ZNF761: variants seen among roughly 807,000 people sequenced by gnomAD.
The protein encoded by ZNF761 is zinc finger protein 761.
Under a neutral mutation model 59.9 loss-of-function variants are expected in ZNF761, and 43 were observed. The observed-to-expected ratio is 0.72, with a 90% CI of 0.56 to 0.92. ZNF761 has a LOEUF of 0.92. ZNF761 is among the 40% of genes least tolerant of loss of function. ZNF761 has a pLI of 0.00. For synonymous variants in ZNF761, 294 were observed against 304.8 expected, an observed-to-expected ratio of 0.96 and a Z score of 0.37; for missense variants, 850 against 906.1, an observed-to-expected ratio of 0.94 and a Z score of 0.79.
intron 1 of ZNF761, chr19:53,443,208 T>A (rs1206507710): frequency 1.2e-5 from 2 of 160,416 alleles, no homozygotes; most frequent in Non-Finnish European, 2.7e-5. Flanking sequence ...CCAGTTAATG[T>A]ATTTTTCAGT....
Position 53,456,729 on chromosome 19 carries a change from C to G in ZNF761, c.2222C>G (p.Thr741Ser). The G allele has an allele frequency of 6.2e-7, 1 of 1,613,634 alleles. No homozygotes were observed. The highest frequency in any genetic ancestry group is 8.5e-7 in the Non-Finnish European group (1 of 1,179,798). ...SNLTCHRRLH[T>S]GEKQV ...CTTACATGCCATCGTAGACTTCATA[C>G]TGGAGAAAAACAAGTGTAATGAATG... The change falls in exon 5 of 5, where the codon ACT (threonine) becomes AGT (serine). Residue 741 changes from threonine (T) to serine (S), a missense_variant. Coordinates refer to ENST00000684525, the MANE Select transcript of ZNF761 (RefSeq NM_001289951.2).
At chr19:53,452,833 G>A (rs1382800789) in intron 4 of ZNF761, among the ~76,000 whole-genome samples, 2 of 152,190 alleles carry the variant, frequency 1.3e-5, no homozygotes, top group African/African-American at 4.8e-5. Context: ...TGTCTCAAAG[G>A]CCCCATCTGC....
rs912230275 is a variant in ZNF761, at chr19:53,435,514, G to T, written c.-185+3486G>T. On this transcript the variant is annotated intron_variant, in intron 1 of 4. Transcript: ENST00000684525. Reference sequence around the variant, plus strand: ...ATACGGGGTTCTCCATGTTGGTGAGGCTGGTCTCGAACTCCCGACCTCAGG... The same window carrying T: ...ATACGGGGTTCTCCATGTTGGTGAGTCTGGTCTCGAACTCCCGACCTCAGG... Among the ~76,000 whole-genome samples, 5 of 151,908 alleles carry T rather than the reference G, an allele frequency of 3.3e-5. No individual in the cohort carries two copies. In the South Asian group the frequency reaches 1.0e-3, roughly 32 times the overall value.
At chr19:53,437,260 G>A (rs1345130025) in intron 1 of ZNF761, among the ~76,000 whole-genome samples, 2 of 151,768 alleles carry the variant, frequency 1.3e-5, no homozygotes, top group South Asian at 2.1e-4. Flanking sequence ...AGAGGTTGCA[G>A]TGAGCCAAGA....
chr19:53,455,675 A>G lies in ZNF761; in HGVS notation c.1168A>G (p.Thr390Ala). The G allele has an allele frequency of 9.3e-6, 15 of 1,613,362 alleles. No individual in the cohort carries two copies. The highest frequency in any genetic ancestry group is 1.3e-5 in the Non-Finnish European group (15 of 1,179,918). ...KPYKCNECGK[T>A]FSHKSSLTCH... ...CTACAAATGTAATGAGTGTGGCAAG[A>G]CCTTTAGTCACAAGTCATCCCTTAC... The change falls in exon 5 of 5, where the codon ACC (threonine) becomes GCC (alanine). Residue 390 changes from threonine to alanine, a missense_variant. Physicochemically the swap from Thr to Ala is moderately conservative, Grantham distance 58. Transcript: ENST00000684525.
intron 1 of ZNF761, among the ~76,000 whole-genome samples, chr19:53,437,733 C>G (rs12460636): frequency 0.026 from 3,962 of 152,248 alleles, 111 homozygotes; most frequent in East Asian, 0.14. Context: ...AGAATCTCTT[C>G]TTTGTACTTT....
rs528617698 is a variant in ZNF761 at position 53,457,640 on chromosome 19, G to A, written c.*892G>A. 4 of 254,570 alleles carry A rather than the reference G, an allele frequency of 1.6e-5. No homozygotes were observed. Among genetic ancestry groups the A allele is most frequent in the African/African-American group, 9.4e-5 (4 of 42,716 alleles). 15.8% of individuals were successfully genotyped at this position (254,570 alleles called of 1,614,324 possible). On this transcript the variant is annotated 3_prime_UTR_variant, in exon 5 of 5. Transcript: ENST00000684525. ...TAGGGTCAATTCAGCATTGACTTGA[G>A]TTTGTATTGACTTAACATTGAGTTC...
intron 4 of ZNF761, chr19:53,450,062 T>C (rs1251122007): frequency 8.1e-6 from 3 of 371,558 alleles, no homozygotes; most frequent in Admixed American, 4.2e-5. Flanking sequence ...CCCAGCACTT[T>C]GGGAGGCCAA....
At position 53,456,949 on chromosome 19, in the gene ZNF761, C is replaced by A; in HGVS notation, c.*201C>A. 1 of 728,024 alleles carries A rather than the reference C, an allele frequency of 1.4e-6. No individual in the cohort carries two copies. Among genetic ancestry groups the A allele is most frequent in the Non-Finnish European group, 2.3e-6 (1 of 427,100 alleles). The allele number at this position is 728,024 out of a possible 1,614,324, so 45.1% of individuals were successfully genotyped here. On this transcript the variant is annotated 3_prime_UTR_variant, in exon 5 of 5. Coordinates refer to ENST00000684525, the MANE Select transcript of ZNF761 (RefSeq NM_001289951.2). ...CAAAGTTTACAGTCGCACATCAAAC[C>A]GTGAAAGACAGGAGAATTCATACTG... is the stretch of plus-strand genomic sequence containing the variant.
chr19:53,454,078 A>G (rs1414626656), intron 4 of ZNF761, among the ~76,000 whole-genome samples: 2 of 152,016 alleles, frequency 1.3e-5, no homozygotes, highest in Non-Finnish European at 2.9e-5. Flanking sequence ...GGTTCAAACA[A>G]TTCTTGTGCC....
chr19:53,444,128 T>G (rs1184422193), intron 1 of ZNF761: 1 of 152,270 alleles, frequency 6.6e-6, no homozygotes, highest in African/African-American at 2.4e-5. Context: ...TTCTGCCTGC[T>G]GAGACAGCCT....
chr19:53,433,455 C>G (rs1363859520), intron 1 of ZNF761, among the ~76,000 whole-genome samples: 1 of 40,202 alleles, frequency 2.5e-5, no homozygotes, highest in South Asian at 7.0e-4. Context: ...TTGGCTTCGA[C>G]TTCGCCAAGT....
intron 3 of ZNF761, among the ~76,000 whole-genome samples, chr19:53,448,991 C>G (rs1330712238): frequency 6.6e-6 from 1 of 152,080 alleles, no homozygotes. Context: ...GAAGACATCA[C>G]CCGTACTCTG....
chr19:53,432,413 C>T lies in ZNF761; in HGVS notation c.-185+385C>T, dbSNP rs1172859205. Among the ~76,000 whole-genome samples, 3 of 152,158 alleles carry T rather than the reference C, an allele frequency of 2.0e-5. No homozygotes were observed. In the South Asian group the frequency reaches 6.2e-4, roughly 32 times the overall value. On this transcript the variant is annotated intron_variant, in intron 1 of 4. Transcript: ENST00000684525. ...GGAAAGGCCGCGTCCTCTGCCTGGT[C>T]CTAGGATCCTGCAGACCCCACCCTT...
At chr19:53,449,456 T>C in intron 3 of ZNF761, 56 bp from the exon 4 acceptor site, 1 of 1,613,730 alleles carries the variant, frequency 6.2e-7, no homozygotes, top group Non-Finnish European at 8.5e-7. Context: ...TCTCATTTTC[T>C]GTAAAGATAA....
rs752255495 is a variant in ZNF761, at chr19:53,447,287, AGAT to A, written c.15+8_15+10del. On this transcript the variant is annotated splice_donor_5th_base_variant and intron_variant, in intron 3 of 4. Transcript: ENST00000684525. The stretch of plus-strand genomic sequence containing the variant: ...GTCAGGGATGGCTTTTTCTCAGGTG[AGAT>A]GATATTTTCAGTGGATTGTTCTGTC... 88 of 1,613,136 alleles carry A rather than the reference AGAT, an allele frequency of 5.5e-5. No individual in the cohort carries two copies. Among genetic ancestry groups the A allele is most frequent in the Middle Eastern group, 1.6e-4 (1 of 6,076 alleles).
chr19:53,451,640 T>C (rs2086222832), intron 4 of ZNF761, among the ~76,000 whole-genome samples: 1 of 152,154 alleles, frequency 6.6e-6, no homozygotes, highest in African/African-American at 2.4e-5. Context: ...TGGAGTGCGG[T>C]GGTGCGACCT....
Position 53,457,033 on chromosome 19 carries a change from T to C in ZNF761, c.*285T>C, listed in dbSNP as rs2147145942. On this transcript the variant is annotated 3_prime_UTR_variant, in exon 5 of 5. Coordinates refer to ENST00000684525, the MANE Select transcript of ZNF761 (RefSeq NM_001289951.2). ...AAGGCTTTTGGGCATGATTCGCACC[T>C]GGCACAACATGCTAGAATTCACACT... 1.6e-6 allele frequency: 1 copy of C among 635,956 alleles called. No individual in the cohort carries two copies. The allele number at this position is 635,956 out of a possible 1,614,324, so 39.4% of individuals were successfully genotyped here. A position where few individuals can be genotyped will look rare whatever the true frequency, so the allele number is the denominator to read the frequency against.
At chr19:53,442,347 C>G in intron 1 of ZNF761, 1 of 1,109,566 alleles carries the variant, frequency 9.0e-7, no homozygotes, top group Non-Finnish European at 1.4e-6. Flanking sequence ...GCAGATCAGA[C>G]TGATGGACCA....
Sources: gnomAD v4.1 joint callset for allele counts (sites outside exome capture counted in the v4.1 genomes callset) on GRCh38, gnomAD v4.1.1 for gene constraint, MANE v1.5 for transcripts, NCBI Gene and HGNC (gene_info 2026-07-23, HGNC 2026-07-21) for gene names.